PCDH15: variants seen among roughly 807,000 people sequenced by gnomAD.
PCDH15 encodes protocadherin related 15, also known as protocadherin-15.
A neutral mutation model predicts 178.5 loss-of-function variants in PCDH15; 129 were observed. The observed-to-expected ratio is 0.72, with a 90% CI of 0.63 to 0.84. The LOEUF (loss-of-function observed/expected upper bound fraction) is 0.84. Ranked by LOEUF, PCDH15 falls within the 40% of genes least tolerant of loss-of-function variation. The pLI is 0.00. For synonymous variants in PCDH15, 800 were observed against 732.0 expected (o/e 1.09, Z -1.50); for missense variants, 2,230 against 2,099.9 (o/e 1.06, Z -1.21).
chr10:53,970,864 A>C (rs922280429), intron 21 of PCDH15, among the ~76,000 whole-genome samples: 4 of 152,208 alleles, frequency 2.6e-5, no homozygotes, highest in African/African-American at 9.6e-5. Context: ...AGAGGTACAA[A>C]GTGGATCTGG....
In PCDH15 at chr10:53,968,185, C is replaced by G. The variant is rs185344892; in HGVS notation, c.2869-6293G>C. Among the ~76,000 whole-genome samples, 31 of 152,316 alleles carry G rather than the reference C, an allele frequency of 2.0e-4. No individual in the cohort carries two copies. In the South Asian group the frequency reaches 5.8e-3, roughly 28 times the overall value. The stretch of plus-strand genomic sequence containing the variant: ...GCGCTTTTCCAACAGTCTTAGCAAA[C>G]GGCCCACCAGGAGATTATATCCCAC... On this transcript the variant is annotated intron_variant, in intron 21 of 37. Transcript: ENST00000644397.
intron 25 of PCDH15, among the ~76,000 whole-genome samples, chr10:53,936,868 A>C (rs2085622696): frequency 6.6e-6 from 1 of 152,098 alleles, no homozygotes; most frequent in Non-Finnish European, 1.5e-5. Context: ...AATTAACCTC[A>C]ATTTACATAA....
intron 2 of PCDH15, among the ~76,000 whole-genome samples, chr10:54,548,418 GAAAT>G (rs960182686): frequency 6.8e-6 from 1 of 147,752 alleles, no homozygotes; most frequent in African/African-American, 2.5e-5. Flanking sequence ...TTCCACATGA[GAAAT>G]AAATTATTTG....
Position 55,033,216 on chromosome 10 carries a change from A to G in PCDH15, c.-80+133360T>C, listed in dbSNP as rs569718733. Among the ~76,000 whole-genome samples the G allele has an allele frequency of 3.8e-4, 58 of 152,220 alleles. No individual in the cohort carries two copies. In the South Asian group the frequency reaches 0.011, roughly 29 times the overall value. ...GCATAGTGCAGGAGGGGGCAGGGGG[A>G]CAGCTACATCACAGATAGCACCCAC... On this transcript the variant is annotated intron_variant, in intron 2 of 5. Coordinates refer to the PCDH15 transcript ENST00000458638.
chr10:55,191,754 T>C (rs906886868), intron 1 of PCDH15, among the ~76,000 whole-genome samples: 1 of 151,882 alleles, frequency 6.6e-6, no homozygotes, highest in Non-Finnish European at 1.5e-5. Context: ...GACCCACTTA[T>C]CTAGTCAATG....
At chr10:54,188,125 G>T (rs2048642049) in intron 11 of PCDH15, among the ~76,000 whole-genome samples, 1 of 151,770 alleles carries the variant, frequency 6.6e-6, no homozygotes, top group Non-Finnish European at 1.5e-5. Flanking sequence ...TCAAAGGTTT[G>T]GTAAGAAACA....
At chr10:54,622,459 A>T (rs2093382016) in intron 2 of PCDH15, among the ~76,000 whole-genome samples, 1 of 145,748 alleles carries the variant, frequency 6.9e-6, no homozygotes, top group African/African-American at 2.5e-5. Flanking sequence ...GGCTTGTTTT[A>T]TGTCATTTGT....
At position 54,691,702 on chromosome 10, in the gene PCDH15, T is replaced by C. The variant is rs61854062; in HGVS notation, c.-28-27412A>G. ...TGTGTCCATCATCCTCCAAGGAAATTGGATTTCTGAATAAGAAATTTCTTT... is the reference window on the plus strand; with the variant it reads ...TGTGTCCATCATCCTCCAAGGAAATCGGATTTCTGAATAAGAAATTTCTTT... On this transcript the variant is annotated intron_variant, in intron 1 of 37. Transcript: ENST00000644397. 7.8e-3 allele frequency among the ~76,000 whole-genome samples: 1,190 copies of C among 152,146 alleles called. 2 individuals are homozygous for C. Among genetic ancestry groups the C allele is most frequent in the Non-Finnish European group, 0.013 (884 of 67,980 alleles).
At chr10:55,364,191 T>C (rs1053808847) in intron 2 of PCDH15, among the ~76,000 whole-genome samples, 1 of 152,108 alleles carries the variant, frequency 6.6e-6, no homozygotes, top group African/African-American at 2.4e-5. Context: ...TCTGCCATGA[T>C]TGTAAGTTTC....
At chr10:55,478,087 A>G (rs774876512) in intron 2 of PCDH15, among the ~76,000 whole-genome samples, 4 of 151,848 alleles carry the variant, frequency 2.6e-5, no homozygotes, top group Non-Finnish European at 4.4e-5. Context: ...AAAAGATGGA[A>G]AAGACCACAG....
intron 13 of PCDH15, among the ~76,000 whole-genome samples, chr10:54,158,922 A>G (rs1038976452): frequency 6.6e-6 from 1 of 152,132 alleles, no homozygotes; most frequent in African/African-American, 2.4e-5. Flanking sequence ...CCTGGCTAAC[A>G]CGGTGAAACC....
chr10:55,284,124 C>T (rs1367124599), intron 1 of PCDH15, among the ~76,000 whole-genome samples: 3 of 152,100 alleles, frequency 2.0e-5, no homozygotes, highest in Non-Finnish European at 2.9e-5. Context: ...ATACAGACTG[C>T]TGTCTATGGT....
chr10:54,108,285 C>T (rs1220350605), intron 15 of PCDH15, among the ~76,000 whole-genome samples: 3 of 152,124 alleles, frequency 2.0e-5, no homozygotes, highest in African/African-American at 7.2e-5. Context: ...CATCCCCTGG[C>T]AGAAGACACA....
At chr10:55,547,448 C>T (rs766091248) in intron 2 of PCDH15, among the ~76,000 whole-genome samples, 42 of 151,940 alleles carry the variant, frequency 2.8e-4, no homozygotes, top group Non-Finnish European at 2.8e-4. Flanking sequence ...ACAGAGATAT[C>T]CAGATTAACA....
chr10:54,536,580 T>C (rs2084551381), intron 2 of PCDH15, among the ~76,000 whole-genome samples: 1 of 152,190 alleles, frequency 6.6e-6, no homozygotes, highest in African/African-American at 2.4e-5. Flanking sequence ...GGGATATGAT[T>C]GATTCCATCA....
chr10:54,580,156 C>T (rs921891666), intron 2 of PCDH15, among the ~76,000 whole-genome samples: 2 of 151,830 alleles, frequency 1.3e-5, no homozygotes, highest in African/African-American at 4.8e-5. Flanking sequence ...ACCCAATAAT[C>T]CATACAAAAG....
intron 1 of PCDH15, among the ~76,000 whole-genome samples, chr10:54,744,060 CCTT>C (rs967737594): frequency 6.6e-6 from 1 of 151,958 alleles, no homozygotes; most frequent in Non-Finnish European, 1.5e-5. Context: ...TTCTTTTTTG[CCTT>C]CTTATTTATT....
chr10:54,234,452 C>T (rs1432248553), intron 9 of PCDH15, among the ~76,000 whole-genome samples: 2 of 152,010 alleles, frequency 1.3e-5, no homozygotes, highest in African/African-American at 2.4e-5. Context: ...CTTAGGGAGG[C>T]TAAGGTGGGA....
Position 55,544,135 on chromosome 10 carries a change from CATACATATATATATAT to C in PCDH15, c.-156+83474_-156+83489del, listed in dbSNP as rs1308019191. The stretch of plus-strand genomic sequence containing the variant: ...GCTCCAGTTTTCCTCAAATCTTATA[CATACATATATATATAT>C]ATATATATATATATATATATATATT... On this transcript the variant is annotated intron_variant, in intron 2 of 5. Transcript: ENST00000613346. Among the ~76,000 whole-genome samples the C allele has an allele frequency of 6.4e-3, 618 of 96,198 alleles. 6 individuals carry two copies. The highest frequency in any genetic ancestry group is 0.017 in the African/African-American group (413 of 24,144). The allele number at this position is 96,198 out of a possible 152,430, so 63.1% of individuals were successfully genotyped here. A position where few individuals can be genotyped will look rare whatever the true frequency, so the allele number is the denominator to read the frequency against.
Sources: allele counts gnomAD v4.1 joint callset (sites outside exome capture counted in the v4.1 genomes callset), GRCh38; gene constraint gnomAD v4.1.1; transcripts MANE v1.5; gene names NCBI Gene and HGNC (gene_info 2026-07-23, HGNC 2026-07-21).